The following CADM2 variants were observed in gnomAD, a reference collection of about 807,000 sequenced individuals.
The protein encoded by CADM2 is immunoglobulin superfamily member 4D.
A neutral mutation model predicts 49.8 loss-of-function variants in CADM2; 12 were observed. That is an observed-to-expected ratio of 0.24 (90% CI 0.15 to 0.39). CADM2 has a LOEUF of 0.39. Ranked by LOEUF, CADM2 falls within the 10% of genes least tolerant of loss-of-function variation. The pLI, the probability that CADM2 is intolerant of heterozygous loss-of-function variation, is 1.00. For synonymous variants in CADM2, 214 were observed against 175.4 expected (o/e 1.22, Z -1.74); for missense variants, 378 against 492.3 (o/e 0.77, Z 2.20).
chr3:86,057,086 T>G (rs1738083181), intron 8 of CADM2, among the ~76,000 whole-genome samples: 1 of 152,182 alleles, frequency 6.6e-6, no homozygotes, highest in Admixed American at 6.5e-5. Flanking sequence ...TTTCTATCTC[T>G]TAGATAGTAT....
rs1246022225 is a variant in CADM2, at chr3:85,072,135, T to A, written c.61+112467T>A. 2.0e-5 allele frequency among the ~76,000 whole-genome samples: 3 copies of A among 151,974 alleles called. No homozygotes were observed. The East Asian group carries it at 5.8e-4, about 29-fold the overall frequency. On this transcript the variant is annotated intron_variant, in intron 1 of 9. Coordinates refer to ENST00000383699, the MANE Select transcript of CADM2 (RefSeq NM_001167675.2). ...ATTATTTCCAAATAATAAGATTTAA[T>A]AATTATTATGAATAAAATTAAACAT...
chr3:85,294,517 T>G (rs1314404352), intron 1 of CADM2, among the ~76,000 whole-genome samples: 2 of 152,044 alleles, frequency 1.3e-5, no homozygotes, highest in African/African-American at 4.8e-5. Context: ...GCTGGAGGCA[T>G]CACACTACCT....
At chr3:85,690,369 A>T (rs984142538) in intron 1 of CADM2, among the ~76,000 whole-genome samples, 1 of 152,142 alleles carries the variant, frequency 6.6e-6, no homozygotes, top group Non-Finnish European at 1.5e-5. Context: ...ATTATGAGAG[A>T]TGTAGTTAAC....
At chr3:85,754,581 C>T (rs2069014309) in intron 2 of CADM2, among the ~76,000 whole-genome samples, 1 of 152,132 alleles carries the variant, frequency 6.6e-6, no homozygotes, top group Non-Finnish European at 1.5e-5. Context: ...GTTATTAGAA[C>T]CAAGCAACCA....
chr3:85,721,253 A>G (rs1300129447), intron 1 of CADM2, among the ~76,000 whole-genome samples: 1 of 152,174 alleles, frequency 6.6e-6, no homozygotes, highest in Non-Finnish European at 1.5e-5. Context: ...GCATCTTCCA[A>G]TGGCAATGTT....
At chr3:85,049,125 C>G (rs1458099381) in intron 1 of CADM2, among the ~76,000 whole-genome samples, 1 of 151,998 alleles carries the variant, frequency 6.6e-6, no homozygotes, top group East Asian at 1.9e-4. Flanking sequence ...AGGATAATGG[C>G]TAATTGGCCT....
chr3:85,933,387 A>AATC (rs2108532770), intron 6 of CADM2, among the ~76,000 whole-genome samples: 1 of 152,190 alleles, frequency 6.6e-6, no homozygotes, highest in Admixed American at 6.5e-5. Flanking sequence ...CTCATAGTGT[A>AATC]ATCTGCTCAA....
intron 8 of CADM2, among the ~76,000 whole-genome samples, chr3:86,003,339 T>C (rs1730402282): frequency 6.6e-6 from 1 of 152,182 alleles, no homozygotes; most frequent in African/African-American, 2.4e-5. Context: ...TCCTGCTAGT[T>C]GCAATAGAGT....
intron 1 of CADM2, among the ~76,000 whole-genome samples, chr3:85,071,019 T>TAAATAAATAAATAAATAAATAAATAAAC (rs1052439937): frequency 1.3e-5 from 2 of 149,676 alleles, no homozygotes; most frequent in African/African-American, 4.9e-5. Flanking sequence ...AATAAATAAA[T>TAAATAAATAAATAAATAAATAAATAAAC]AAACAAATAA....
chr3:85,359,637 C>T (rs1241369150), intron 1 of CADM2, among the ~76,000 whole-genome samples: 12 of 34,266 alleles, frequency 3.5e-4, no homozygotes, highest in African/African-American at 9.1e-4. Context: ...CCAATGTCAG[C>T]ATATATATAT....
intron 1 of CADM2, among the ~76,000 whole-genome samples, chr3:85,046,361 T>C (rs1428917362): frequency 1.3e-5 from 2 of 151,236 alleles, no homozygotes; most frequent in East Asian, 3.9e-4. Context: ...ATGAATTCAT[T>C]GTGACCCCAG....
chr3:86,012,499 C>G (rs1731645535), intron 8 of CADM2: 3 of 1,075,396 alleles, frequency 2.8e-6, no homozygotes, highest in Non-Finnish European at 3.8e-6. Context: ...CCCGGACCAG[C>G]GGGCGGACTG....
At chr3:85,725,150 T>C (rs983311964) in intron 1 of CADM2, among the ~76,000 whole-genome samples, 3 of 151,918 alleles carry the variant, frequency 2.0e-5, no homozygotes, top group Non-Finnish European at 4.4e-5. Context: ...TTGTTTTTAG[T>C]TAAGATGTTT....
intron 1 of CADM2, among the ~76,000 whole-genome samples, chr3:85,269,624 G>C (rs1236366413): frequency 6.6e-6 from 1 of 151,098 alleles, no homozygotes; most frequent in Non-Finnish European, 1.5e-5. Context: ...CCTATCTCTT[G>C]TGTACTGAGT....
At chr3:85,767,660 T>A (rs988149145) in intron 2 of CADM2, among the ~76,000 whole-genome samples, 1 of 152,110 alleles carries the variant, frequency 6.6e-6, no homozygotes, top group African/African-American at 2.4e-5. Flanking sequence ...CACTTCCACA[T>A]CCCAAAATGC....
intron 3 of CADM2, among the ~76,000 whole-genome samples, chr3:85,817,056 T>A (rs530029588): frequency 6.6e-6 from 1 of 152,322 alleles, no homozygotes; most frequent in East Asian, 1.9e-4. Flanking sequence ...ATTTCCTGAT[T>A]TATTATTTCC....
chr3:85,377,644 G>C (rs1225402354), intron 1 of CADM2, among the ~76,000 whole-genome samples: 1 of 152,040 alleles, frequency 6.6e-6, no homozygotes, highest in Non-Finnish European at 1.5e-5. Context: ...CTTTAAAACA[G>C]TTTATTGCAT....
intron 1 of CADM2, among the ~76,000 whole-genome samples, chr3:84,970,664 A>C (rs915757976): frequency 2.0e-5 from 3 of 152,094 alleles, no homozygotes; most frequent in Non-Finnish European, 4.4e-5. Context: ...ATGTCAAATG[A>C]AGATAAACTA....
intron 1 of CADM2, among the ~76,000 whole-genome samples, chr3:85,221,842 A>C (rs1474727838): frequency 6.6e-6 from 1 of 152,100 alleles, no homozygotes. Flanking sequence ...CTTGGGTAAC[A>C]TGGTGAGTTG....
Sources: gnomAD v4.1 joint callset for allele counts (sites outside exome capture counted in the v4.1 genomes callset) on GRCh38, gnomAD v4.1.1 for gene constraint, MANE v1.5 for transcripts, NCBI Gene and HGNC (gene_info 2026-07-23, HGNC 2026-07-21) for gene names.